The following SLC35E4 variants were observed in gnomAD, a reference collection of about 807,000 sequenced individuals.
SLC35E4 encodes the protein solute carrier family 35, member E4.
A neutral mutation model predicts 19.3 loss-of-function variants in SLC35E4; 15 were observed. The ratio of observed to expected loss-of-function variants is 0.78; its 90% CI spans 0.52 to 1.20. The LOEUF is 1.20. SLC35E4 is among the 50% of genes most tolerant of loss of function. The pLI is 0.00. For missense variants in SLC35E4, 406 were observed against 472.3 expected, an observed-to-expected ratio of 0.86 and a Z score of 1.30; for synonymous variants, 219 against 219.9, an observed-to-expected ratio of 1.00 and a Z score of 0.04.
At chr22:30,663,979 G>C, downstream of SLC35E4, 1 of 1,613,918 alleles carries the variant, frequency 6.2e-7, no homozygotes, top group Non-Finnish European at 8.5e-7. Context: ...AACTGAACTG[G>C]GAAGGCACAC....
At position 30,647,577 on chromosome 22, in the gene SLC35E4, G is replaced by A. The variant is rs1442355728; in HGVS notation, c.*546G>A. On this transcript the variant is annotated 3_prime_UTR_variant, in exon 2 of 2. Coordinates refer to ENST00000343605, the MANE Select transcript of SLC35E4 (RefSeq NM_001001479.4). Reference sequence around the variant, plus strand: ...AGACTCTGCACACCACTGGATGGTGGGTCCAAGCCTGGCACAGTCCCTGTG... The same window carrying A: ...AGACTCTGCACACCACTGGATGGTGAGTCCAAGCCTGGCACAGTCCCTGTG... The A allele has an allele frequency of 6.5e-6, 1 of 153,436 alleles. No individual in the cohort carries two copies. The highest frequency in any genetic ancestry group is 6.5e-5 in the Admixed American group (1 of 15,400). The allele number at this position is 153,436 out of a possible 1,614,324, so 9.5% of individuals were successfully genotyped here.
intron 2 of SLC35E4, among the ~76,000 whole-genome samples, chr22:30,655,004 C>T (rs952711025): frequency 1.3e-5 from 2 of 152,144 alleles, no homozygotes; most frequent in African/African-American, 2.4e-5. Flanking sequence ...ACCAAGACGA[C>T]CTTGTGCAGA....
chr22:30,661,145 T>C (rs76374911), intron 2 of SLC35E4, among the ~76,000 whole-genome samples: 1,668 of 152,256 alleles, frequency 0.011, 17 homozygotes, highest in South Asian at 0.033. Context: ...CCGGCCTCAA[T>C]TGTATTTCTA....
chr22:30,657,087 G>C (rs1249619558), intron 2 of SLC35E4, among the ~76,000 whole-genome samples: 1 of 152,092 alleles, frequency 6.6e-6, no homozygotes, highest in African/African-American at 2.4e-5. Flanking sequence ...ACAACGATGG[G>C]GATATTGTGG....
intron 2 of SLC35E4, among the ~76,000 whole-genome samples, chr22:30,659,493 C>G (rs1044049207): frequency 6.6e-6 from 1 of 152,048 alleles, no homozygotes; most frequent in Non-Finnish European, 1.5e-5. Flanking sequence ...TCCGCCTCAG[C>G]CTCCCGGGTA....
At position 30,636,278 on chromosome 22, in the gene SLC35E4, C is replaced by T; in HGVS notation, c.-173C>T. 1 of 970,550 alleles carries T rather than the reference C, an allele frequency of 1.0e-6. No individual in the cohort carries two copies. The highest frequency in any genetic ancestry group is 1.5e-6 in the Non-Finnish European group (1 of 687,868). The allele number at this position is 970,550 out of a possible 1,614,324, so 60.1% of individuals were successfully genotyped here. Reference sequence around the variant, plus strand: ...TGTCTGAGCTGGAAACACAGCTTAGCTTCTAGACATCGCTGGCACAGGCCT... The same window carrying T: ...TGTCTGAGCTGGAAACACAGCTTAGTTTCTAGACATCGCTGGCACAGGCCT... On this transcript the variant is annotated 5_prime_UTR_variant, in exon 1 of 2. Coordinates refer to ENST00000343605, the MANE Select transcript of SLC35E4 (RefSeq NM_001001479.4).
downstream of SLC35E4, chr22:30,649,259 G>T (rs1027188611): frequency 4.0e-5 from 29 of 716,966 alleles, no homozygotes; most frequent in Non-Finnish European, 6.8e-5. Context: ...AGGAGGTAAT[G>T]GCACCAACTG....
chr22:30,659,292 A>G (rs750494934), intron 2 of SLC35E4, among the ~76,000 whole-genome samples: 4 of 152,210 alleles, frequency 2.6e-5, no homozygotes, highest in Admixed American at 6.5e-5. Flanking sequence ...CCTAGGATAC[A>G]ATCAAAATTA....
Position 30,636,853 on chromosome 22 carries a change from C to T in SLC35E4, c.403C>T (p.Leu135=), listed in dbSNP as rs1374650397. ...GGGCCTAAGGGCTGTGCCCCTGGAC[C>T]TGGCACAACTGGTTACTACCACCAC... ...NVGLRAVPLD[L]AQLVTTTTPL... Residue 135 remains leucine, a synonymous_variant, in exon 1 of 2, where the codon CTG becomes TTG. Transcript: ENST00000343605. 1 of 1,613,044 alleles carries T rather than the reference C, an allele frequency of 6.2e-7. No individual in the cohort carries two copies. The highest frequency in any genetic ancestry group is 1.7e-5 in the Admixed American group (1 of 59,948).
downstream of SLC35E4, chr22:30,667,354 C>T (rs2088712447): frequency 6.6e-6 from 1 of 152,186 alleles, no homozygotes; most frequent in Non-Finnish European, 1.5e-5. Flanking sequence ...CAAGAGTTAA[C>T]GAGAGCGAAG....
At chr22:30,640,863 G>C (rs1378260360) in intron 1 of SLC35E4, among the ~76,000 whole-genome samples, 1 of 152,154 alleles carries the variant, frequency 6.6e-6, no homozygotes, top group Non-Finnish European at 1.5e-5. Flanking sequence ...GAAGGAAGTG[G>C]GCACACCAAG....
intron 1 of SLC35E4, among the ~76,000 whole-genome samples, chr22:30,642,595 G>T (rs1410655628): frequency 6.6e-6 from 1 of 151,758 alleles, no homozygotes. Context: ...AAAAAAATTA[G>T]CTGGGCATGC....
chr22:30,649,217 T>A (rs2088175840), downstream of SLC35E4: 2 of 716,960 alleles, frequency 2.8e-6, no homozygotes, highest in Non-Finnish European at 5.2e-6. Context: ...AGGGTTCGAA[T>A]GAGGAGCGCT....
At chr22:30,641,919 A>G (rs1162304852) in intron 1 of SLC35E4, among the ~76,000 whole-genome samples, 3 of 152,084 alleles carry the variant, frequency 2.0e-5, no homozygotes, top group African/African-American at 7.2e-5. Flanking sequence ...TGCCTGATTC[A>G]GGAGGGAGTT....
intron 1 of SLC35E4, among the ~76,000 whole-genome samples, chr22:30,644,554 G>A (rs2088097479): frequency 6.6e-6 from 1 of 152,138 alleles, no homozygotes; most frequent in Non-Finnish European, 1.5e-5. Context: ...CAGCCTGGGT[G>A]AACCAGATGA....
chr22:30,663,844 C>T (rs1156442374), downstream of SLC35E4: 1 of 1,614,094 alleles, frequency 6.2e-7, no homozygotes, highest in East Asian at 2.2e-5. Context: ...ACTACCTCCA[C>T]TGAGACATTG....
In SLC35E4 at chr22:30,637,006, C is replaced by T; in HGVS notation, c.556C>T (p.Pro186Ser). ...CSLAGEFRTP[P>S]TGCGFLLAAT... ...CCTGGCTGGAGAGTTCCGGACACCC[C>T]CTACCGGCTGTGGCTTCCTGCTCGC... Residue 186 changes from proline to serine, a missense_variant, in exon 1 of 2, where the codon CCT becomes TCT. Physicochemically the swap from Pro to Ser is moderately conservative, Grantham distance 74 (BLOSUM62 -1). Coordinates refer to ENST00000343605, the MANE Select transcript of SLC35E4 (RefSeq NM_001001479.4). 1 of 1,602,614 alleles carries T rather than the reference C, an allele frequency of 6.2e-7. No homozygotes were observed. The highest frequency in any genetic ancestry group is 8.5e-7 in the Non-Finnish European group (1 of 1,172,286).
downstream of SLC35E4, chr22:30,663,877 T>C: frequency 1.2e-6 from 2 of 1,614,204 alleles, no homozygotes; most frequent in African/African-American, 1.3e-5. Context: ...ATCTGGTTGC[T>C]AGACAGCATG....
chr22:30,664,129 T>C (rs2088571369), downstream of SLC35E4: 3 of 827,414 alleles, frequency 3.6e-6, no homozygotes, highest in East Asian at 5.4e-5. Context: ...AGAGGGCCAA[T>C]TCCAGGGGAT....
Sources: gnomAD v4.1 joint callset for allele counts (sites outside exome capture counted in the v4.1 genomes callset) on GRCh38, gnomAD v4.1.1 for gene constraint, MANE v1.5 for transcripts, NCBI Gene and HGNC (gene_info 2026-07-23, HGNC 2026-07-21) for gene names.